The following TRIM9 variants were observed in gnomAD, a reference collection of about 807,000 sequenced individuals.
The protein encoded by TRIM9 is E3 ubiquitin-protein ligase TRIM9.
Under a neutral mutation model 78.3 loss-of-function variants are expected in TRIM9, and 26 were observed. The ratio of observed to expected loss-of-function variants is 0.33; its 90% CI spans 0.24 to 0.46. TRIM9 has a LOEUF of 0.46. Among genes scored for constraint, TRIM9 ranks in the 20% least tolerant of loss-of-function variants. The pLI, the probability that TRIM9 is intolerant of heterozygous loss-of-function variation, is 1.00. For synonymous variants in TRIM9, 398 were observed against 416.5 expected (o/e 0.96, Z 0.54); for missense variants, 787 against 1,036.4 (o/e 0.76, Z 3.30).
intron 10 of TRIM9, 39 bp from the exon 11 acceptor site, chr14:50,982,142 C>G: frequency 6.2e-7 from 1 of 1,603,808 alleles, no homozygotes; most frequent in Non-Finnish European, 8.5e-7. Context: ...TTAAGACAGA[C>G]CCAACAAGCT....
intron 1 of TRIM9, among the ~76,000 whole-genome samples, chr14:51,056,279 A>G (rs1770606233): frequency 6.6e-6 from 1 of 152,210 alleles, no homozygotes; most frequent in Non-Finnish European, 1.5e-5. Flanking sequence ...AAAAATATTA[A>G]TTGGTATTTA....
intron 1 of TRIM9, among the ~76,000 whole-genome samples, chr14:51,078,570 G>A (rs1566643826): frequency 6.6e-6 from 1 of 152,130 alleles, no homozygotes; most frequent in Non-Finnish European, 1.5e-5. Flanking sequence ...GTTATGCTAA[G>A]TAGATGAGGA....
intron 3 of TRIM9, among the ~76,000 whole-genome samples, chr14:51,019,087 T>C (rs951171315): frequency 1.3e-5 from 2 of 152,258 alleles, no homozygotes; most frequent in Non-Finnish European, 2.9e-5. Context: ...CAATTTAGTT[T>C]AAGTGTTGTC....
intron 1 of TRIM9, among the ~76,000 whole-genome samples, chr14:51,058,456 C>A (rs12588907): frequency 0.3 from 45,278 of 152,108 alleles, 7,282 homozygotes; most frequent in African/African-American, 0.41. Flanking sequence ...ATAAAGACTG[C>A]ATTTCTTAGC....
intron 3 of TRIM9, among the ~76,000 whole-genome samples, chr14:51,020,065 T>C (rs2057600840): frequency 1.3e-5 from 2 of 152,148 alleles, no homozygotes; most frequent in South Asian, 4.1e-4. Flanking sequence ...CCTCTCTTTG[T>C]CAGCAAAAAG....
intron 1 of TRIM9, among the ~76,000 whole-genome samples, chr14:51,087,710 A>G (rs917435926): frequency 6.6e-6 from 1 of 152,240 alleles, no homozygotes; most frequent in African/African-American, 2.4e-5. Context: ...AATGCATTAA[A>G]CAAGCATTTA....
intron 7 of TRIM9, chr14:50,997,242 A>T (rs1339436548): frequency 2.0e-5 from 20 of 985,420 alleles, no homozygotes; most frequent in Non-Finnish European, 2.4e-5. Flanking sequence ...CTCAGAGGTT[A>T]TATCTGGCCA....
At chr14:51,018,958 T>C (rs1025315502) in intron 3 of TRIM9, among the ~76,000 whole-genome samples, 13 of 152,240 alleles carry the variant, frequency 8.5e-5, no homozygotes, top group Admixed American at 7.8e-4. Context: ...ATTTCAGGGT[T>C]ATGTCAAATT....
At chr14:51,006,218 T>C (rs2139589780) in intron 5 of TRIM9, among the ~76,000 whole-genome samples, 1 of 152,364 alleles carries the variant, frequency 6.6e-6, no homozygotes, top group East Asian at 1.9e-4. Flanking sequence ...AGAAAATACA[T>C]ATTGGATTAC....
At position 50,981,793 on chromosome 14, in the gene TRIM9, AGGGTACC is replaced by A; in HGVS notation, c.2162_2162+6del. On this transcript the variant is annotated splice_donor_variant and splice_donor_5th_base_variant and coding_sequence_variant and intron_variant, in exon 11 of 13. Coordinates refer to ENST00000684578, the MANE Select transcript of TRIM9 (RefSeq NM_001387360.1). LOFTEE classifies it high-confidence loss of function. The stretch of plus-strand genomic sequence containing the variant: ...GAAGAAGGCTTGGTTTGGGGGCTGC[AGGGTACC>A]TGTTGGTGTGCGAGTTGTTGTGCAT... 6.2e-7 allele frequency: 1 copy of A among 1,613,502 alleles called. No individual in the cohort carries two copies. Among genetic ancestry groups the A allele is most frequent in the Non-Finnish European group, 8.5e-7 (1 of 1,179,422 alleles).
chr14:51,020,559 T>C (rs1016064534), intron 3 of TRIM9, among the ~76,000 whole-genome samples: 1 of 152,220 alleles, frequency 6.6e-6, no homozygotes, highest in Non-Finnish European at 1.5e-5. Context: ...CCGCATTCCC[T>C]GCTGGGGCAG....
intron 3 of TRIM9, among the ~76,000 whole-genome samples, chr14:51,018,623 C>G (rs1178723851): frequency 6.6e-6 from 1 of 152,068 alleles, no homozygotes; most frequent in Non-Finnish European, 1.5e-5. Context: ...TACACTAGGC[C>G]TCAAAATCAA....
chr14:51,000,669 G>T lies in TRIM9; in HGVS notation c.1464+14C>A. On this transcript the variant is annotated intron_variant, in intron 6 of 12. Coordinates refer to ENST00000684578, the MANE Select transcript of TRIM9 (RefSeq NM_001387360.1). ...GCTTTGGGTTAACAAGTACGTAGTG[G>T]GCTGTCTACTGACCCGGAATTGACC... The T allele has an allele frequency of 6.2e-7, 1 of 1,613,948 alleles. No homozygotes were observed. Among genetic ancestry groups the T allele is most frequent in the Non-Finnish European group, 8.5e-7 (1 of 1,179,866 alleles).
chr14:51,009,015 C>T lies in TRIM9; in HGVS notation c.1306+65G>A, dbSNP rs1389006313. Reference sequence around the variant, plus strand: ...TTACATTAGCCAAAGGGGTACTGATCCTGCTTCAAGCACCAGCATCCACTC... The same window carrying T: ...TTACATTAGCCAAAGGGGTACTGATTCTGCTTCAAGCACCAGCATCCACTC... On this transcript the variant is annotated intron_variant, in intron 5 of 12. Coordinates refer to ENST00000684578, the MANE Select transcript of TRIM9 (RefSeq NM_001387360.1). 3 of 1,547,140 alleles carry T rather than the reference C, an allele frequency of 1.9e-6. No individual in the cohort carries two copies. In the African/African-American group the frequency reaches 4.1e-5, roughly 21 times the overall value.
chr14:51,072,343 C>T (rs533304287), intron 1 of TRIM9, among the ~76,000 whole-genome samples: 1 of 151,960 alleles, frequency 6.6e-6, no homozygotes, highest in South Asian at 2.1e-4. Context: ...AACGAGAATT[C>T]CTAAACCTCT....
intron 1 of TRIM9, among the ~76,000 whole-genome samples, chr14:51,090,425 T>C (rs1374678220): frequency 6.6e-6 from 1 of 152,242 alleles, no homozygotes; most frequent in Admixed American, 6.5e-5. Context: ...TGACAGTTTA[T>C]TTTAAAATAT....
At chr14:51,043,615 CTA>C (rs1287331199) in intron 1 of TRIM9, among the ~76,000 whole-genome samples, 1 of 152,148 alleles carries the variant, frequency 6.6e-6, no homozygotes, top group Non-Finnish European at 1.5e-5. Context: ...GGATGGGAAA[CTA>C]AATATTAGGA....
intron 7 of TRIM9, among the ~76,000 whole-genome samples, chr14:50,990,786 C>A (rs908059100): frequency 4.6e-5 from 7 of 152,144 alleles, no homozygotes; most frequent in African/African-American, 1.7e-4. Context: ...CAAGACATGT[C>A]ACGAAGAATT....
Position 50,980,632 on chromosome 14 carries a change from C to G in TRIM9, c.2163-1083G>C, listed in dbSNP as rs189989864. ...TATGTCATTATTCACTCCTGCACTTCAAAACAAAGACGCTAAAAGGGAAAA... is the reference window on the plus strand; with the variant it reads ...TATGTCATTATTCACTCCTGCACTTGAAAACAAAGACGCTAAAAGGGAAAA... On this transcript the variant is annotated intron_variant, in intron 11 of 12. Transcript: ENST00000684578. 9.1e-4 allele frequency among the ~76,000 whole-genome samples: 139 copies of G among 152,310 alleles called. 1 individual carries two copies. Among genetic ancestry groups the G allele is most frequent in the African/African-American group, 3.2e-3 (135 of 41,574 alleles).
Sources: allele counts gnomAD v4.1 joint callset (sites outside exome capture counted in the v4.1 genomes callset), GRCh38; gene constraint gnomAD v4.1.1; transcripts MANE v1.5; gene names NCBI Gene and HGNC (gene_info 2026-07-23, HGNC 2026-07-21).